ATG101: variants seen among roughly 807,000 people sequenced by gnomAD.
ATG101 encodes the protein autophagy-related protein 101.
ATG101 carries 6 observed loss-of-function variants against 16.7 expected under a neutral mutation model. That is an observed-to-expected ratio of 0.36 (90% CI 0.20 to 0.71). ATG101 has a LOEUF of 0.71. ATG101 is among the 30% of genes least tolerant of loss of function. The probability of loss-of-function intolerance (pLI) is 0.57; values close to 1 mark genes in which losing one functional copy is unlikely to be tolerated. For missense variants in ATG101, 200 were observed against 292.5 expected, an observed-to-expected ratio of 0.68 and a Z score of 2.31; for synonymous variants, 108 against 118.1, an observed-to-expected ratio of 0.91 and a Z score of 0.56.
intron 3 of ATG101, among the ~76,000 whole-genome samples, chr12:52,075,308 G>T (rs1263512821): frequency 1.3e-5 from 2 of 152,232 alleles, no homozygotes; most frequent in Admixed American, 6.5e-5. Context: ...TGAGAGGCAG[G>T]TGGAGCAGAG....
intron 3 of ATG101, 61 bp downstream of exon 3, chr12:52,073,963 A>G (rs1180938630): frequency 2.5e-6 from 4 of 1,588,600 alleles, no homozygotes; most frequent in Non-Finnish European, 3.4e-6. Context: ...GGGGGCCTCG[A>G]GTGCTCCTCC....
At chr12:52,074,970 A>G (rs1939710213) in intron 3 of ATG101, among the ~76,000 whole-genome samples, 1 of 151,770 alleles carries the variant, frequency 6.6e-6, no homozygotes, top group East Asian at 1.9e-4. Flanking sequence ...AAAAAAAAAT[A>G]ATTTTTTTTG....
rs138492263 is a variant in ATG101 at position 52,077,279 on chromosome 12, G to A, written c.*89G>A. 1,494 of 1,429,450 alleles carry A rather than the reference G, an allele frequency of 1.0e-3. 13 individuals carry two copies. The African/African-American group carries it at 0.016, about 16-fold the overall frequency. The allele number at this position is 1,429,450 out of a possible 1,614,324, so 88.5% of individuals were successfully genotyped here. A position where few individuals can be genotyped will look rare whatever the true frequency, so the allele number is the denominator to read the frequency against. On this transcript the variant is annotated 3_prime_UTR_variant, in exon 4 of 4. Coordinates refer to ENST00000336854, the MANE Select transcript of ATG101 (RefSeq NM_021934.5). ...TTTGGGCCTTTGGGCTCTGGAACCTGCTCTGGGTCATTGGTGAGACTTGGA... is the reference window on the plus strand; with the variant it reads ...TTTGGGCCTTTGGGCTCTGGAACCTACTCTGGGTCATTGGTGAGACTTGGA...
At position 52,077,261 on chromosome 12, in the gene ATG101, C is replaced by G; in HGVS notation, c.*71C>G. The G allele has an allele frequency of 6.6e-6, 10 of 1,523,266 alleles. No homozygotes were observed. Among genetic ancestry groups the G allele is most frequent in the Admixed American group, 3.7e-5 (2 of 53,554 alleles). 94.4% of individuals were successfully genotyped at this position (1,523,266 alleles called of 1,614,324 possible). Reference sequence around the variant, plus strand: ...GCTTTTGGGAATTGCACTTTTGGGCCTTTGGGCTCTGGAACCTGCTCTGGG... The same window carrying G: ...GCTTTTGGGAATTGCACTTTTGGGCGTTTGGGCTCTGGAACCTGCTCTGGG... On this transcript the variant is annotated 3_prime_UTR_variant, in exon 4 of 4. Coordinates refer to ENST00000336854, the MANE Select transcript of ATG101 (RefSeq NM_021934.5).
At chr12:52,074,952 C>T (rs931252553) in intron 3 of ATG101, among the ~76,000 whole-genome samples, 1 of 152,106 alleles carries the variant, frequency 6.6e-6, no homozygotes, top group Non-Finnish European at 1.5e-5. Context: ...GAGCAAAACC[C>T]TGTCTCCAAA....
chr12:52,073,997 C>G lies in ATG101; in HGVS notation c.252+95C>G, dbSNP rs187080176. ...CCACTCCAGCTTGGTGTTGAACCAG[C>G]CTTCTCTTCCTGAGTGCGTGAATCG... is the stretch of plus-strand genomic sequence containing the variant. On this transcript the variant is annotated intron_variant, in intron 3 of 3. Transcript: ENST00000336854. 1.1e-4 allele frequency: 166 copies of G among 1,507,070 alleles called. 5 individuals carry two copies. In the African/African-American group the frequency reaches 1.7e-3, roughly 16 times the overall value. The allele number at this position is 1,507,070 out of a possible 1,614,324, so 93.4% of individuals were successfully genotyped here. A position where few individuals can be genotyped will look rare whatever the true frequency, so the allele number is the denominator to read the frequency against.
chr12:52,069,998 G>C lies in ATG101; in HGVS notation c.-451G>C, dbSNP rs1294029685. The C allele has an allele frequency of 1.3e-5, 2 of 152,430 alleles. No individual in the cohort carries two copies. The highest frequency in any genetic ancestry group is 4.8e-5 in the African/African-American group (2 of 41,450). The allele number at this position is 152,430 out of a possible 1,614,324, so 9.4% of individuals were successfully genotyped here. On this transcript the variant is annotated 5_prime_UTR_variant, in exon 1 of 4. Coordinates refer to ENST00000336854, the MANE Select transcript of ATG101 (RefSeq NM_021934.5). ...GGCTTCCGGTCCCGGCTCAGCCTCCGACCCAGGTGGTCTGGAGCCTGCCGG... is the reference window on the plus strand; with the variant it reads ...GGCTTCCGGTCCCGGCTCAGCCTCCCACCCAGGTGGTCTGGAGCCTGCCGG...
In ATG101 at chr12:52,076,775, C is replaced by G; in HGVS notation, c.253-11C>G. Reference sequence around the variant, plus strand: ...AGGCCTTGGCTTGCTCATTCGTTCCCTTCTTCCCAGGATGCACTGCGCAAC... The same window carrying G: ...AGGCCTTGGCTTGCTCATTCGTTCCGTTCTTCCCAGGATGCACTGCGCAAC... On this transcript the variant is annotated splice_polypyrimidine_tract_variant and intron_variant, in intron 3 of 3. Transcript: ENST00000336854. 6.2e-7 allele frequency: 1 copy of G among 1,610,262 alleles called. No individual in the cohort carries two copies. The highest frequency in any genetic ancestry group is 8.5e-7 in the Non-Finnish European group (1 of 1,176,976).
chr12:52,066,619 TA>T, upstream of ATG101, among the ~76,000 whole-genome samples: 1 of 152,146 alleles, frequency 6.6e-6, no homozygotes, highest in Middle Eastern at 3.2e-3. Context: ...TAATATCAAG[TA>T]AATCAGAGAG....
At chr12:52,067,042 C>A (rs934041845), upstream of ATG101, among the ~76,000 whole-genome samples, 1 of 152,134 alleles carries the variant, frequency 6.6e-6, no homozygotes, top group Non-Finnish European at 1.5e-5. Context: ...AGGAGAGGCA[C>A]CCACACCTGG....
At chr12:52,069,596 C>T (rs940536206), upstream of ATG101, 6 of 152,266 alleles carry the variant, frequency 3.9e-5, no homozygotes, top group Admixed American at 3.9e-4. Context: ...TCAGCGTCTC[C>T]CGGCCAGGCT....
chr12:52,066,744 GTGA>G (rs202067539), upstream of ATG101, among the ~76,000 whole-genome samples: 8 of 151,920 alleles, frequency 5.3e-5, no homozygotes, highest in African/African-American at 7.3e-5. Context: ...ATTGGTAGTA[GTGA>G]TGATGATGAT....
chr12:52,069,583 G>C (rs1939604006), upstream of ATG101: 1 of 152,232 alleles, frequency 6.6e-6, no homozygotes, highest in Non-Finnish European at 1.5e-5. Flanking sequence ...GTTGGGCACC[G>C]CGTCAGCGTC....
chr12:52,077,379 T>A lies in ATG101; in HGVS notation c.*189T>A, dbSNP rs1592319323. ...CATCCTTTTAATCTTTGCTGACGGT[T>A]CAGTCCTGCCTCTACTGTCTCTCCA... On this transcript the variant is annotated 3_prime_UTR_variant, in exon 4 of 4. Coordinates refer to ENST00000336854, the MANE Select transcript of ATG101 (RefSeq NM_021934.5). The A allele has an allele frequency of 1.5e-6, 1 of 665,068 alleles. No homozygotes were observed. The highest frequency in any genetic ancestry group is 2.9e-5 in the Admixed American group (1 of 33,968). 41.2% of individuals were successfully genotyped at this position (665,068 alleles called of 1,614,324 possible). A position where few individuals can be genotyped will look rare whatever the true frequency, so the allele number is the denominator to read the frequency against.
At chr12:52,076,653 C>T (rs1939734885) in intron 3 of ATG101, 133 bp from the exon 4 acceptor site, 1 of 1,103,230 alleles carries the variant, frequency 9.1e-7, no homozygotes, top group Non-Finnish European at 1.3e-6. Context: ...TACCCTCTCC[C>T]AGTCTTGTTT....
chr12:52,077,078 T>C lies in ATG101; in HGVS notation c.545T>C (p.Leu182Ser). ...SEVDNVFDTG[L>S]RDVQPYLYKI... The stretch of plus-strand genomic sequence containing the variant: ...GTGGATAACGTGTTTGACACAGGCT[T>C]GCGGGACGTGCAGCCCTACCTGTAC... The change falls in exon 4 of 4, where the codon TTG becomes TCG. Residue 182 changes from leucine to serine, a missense_variant. Coordinates refer to ENST00000336854, the MANE Select transcript of ATG101 (RefSeq NM_021934.5). The C allele has an allele frequency of 6.2e-7, 1 of 1,614,162 alleles. No homozygotes were observed. Among genetic ancestry groups the C allele is most frequent in the Non-Finnish European group, 8.5e-7 (1 of 1,180,022 alleles).
In ATG101 at chr12:52,070,469, A is replaced by G. The variant is rs1333309360; in HGVS notation, c.-91A>G. 6.5e-6 allele frequency: 1 copy of G among 152,716 alleles called. No homozygotes were observed. Among genetic ancestry groups the G allele is most frequent in the Non-Finnish European group, 1.5e-5 (1 of 68,266 alleles). The allele number at this position is 152,716 out of a possible 1,614,324, so 9.5% of individuals were successfully genotyped here. On this transcript the variant is annotated 5_prime_UTR_variant, in exon 2 of 4. Coordinates refer to ENST00000336854, the MANE Select transcript of ATG101 (RefSeq NM_021934.5). ...CCGAGCTTGAGGAATCCGTGCTCCA[A>G]ACTCTACACTCAAGGTGGGAATGGG... is the stretch of plus-strand genomic sequence containing the variant.
chr12:52,075,390 A>G (rs1051075503), intron 3 of ATG101, among the ~76,000 whole-genome samples: 5 of 152,176 alleles, frequency 3.3e-5, no homozygotes, highest in African/African-American at 9.7e-5. Context: ...TAGCGGCTCC[A>G]CTCAAAATTG....
chr12:52,075,043 C>G (rs904760453), intron 3 of ATG101, among the ~76,000 whole-genome samples: 4 of 152,190 alleles, frequency 2.6e-5, no homozygotes, highest in Non-Finnish European at 5.9e-5. Flanking sequence ...TCTTGAATTA[C>G]TGGCATGAGC....
Sources: allele counts gnomAD v4.1 joint callset (sites outside exome capture counted in the v4.1 genomes callset), GRCh38; gene constraint gnomAD v4.1.1; transcripts MANE v1.5; gene names NCBI Gene and HGNC (gene_info 2026-07-23, HGNC 2026-07-21).